The following CCDC102B variants were observed in gnomAD, a reference collection of about 807,000 sequenced individuals.
The protein encoded by CCDC102B is coiled-coil domain-containing protein 102B.
CCDC102B carries 75 observed loss-of-function variants against 57.4 expected under a neutral mutation model. The observed-to-expected ratio is 1.31, with a 90% CI of 1.08 to 1.58. CCDC102B has a LOEUF of 1.58. Ranked by LOEUF, CCDC102B falls within the 40% of genes most tolerant of loss-of-function variation. The probability of loss-of-function intolerance (pLI) is 0.00; values close to 1 mark genes in which losing one functional copy is unlikely to be tolerated. For missense variants in CCDC102B, 636 were observed against 582.6 expected, an observed-to-expected ratio of 1.09 and a Z score of -0.94; for synonymous variants, 206 against 201.9, an observed-to-expected ratio of 1.02 and a Z score of -0.17.
At chr18:68,916,181 A>G (rs757250472) in intron 6 of CCDC102B, among the ~76,000 whole-genome samples, 2 of 152,170 alleles carry the variant, frequency 1.3e-5, no homozygotes, top group South Asian at 2.1e-4. Flanking sequence ...GCATCTATCT[A>G]TCTATGCTAT....
At chr18:69,048,463 G>A (rs148022867) in intron 7 of CCDC102B, among the ~76,000 whole-genome samples, 1 of 152,130 alleles carries the variant, frequency 6.6e-6, no homozygotes, top group Non-Finnish European at 1.5e-5. Context: ...CAACAAATAT[G>A]TGTGAGTTTG....
intron 7 of CCDC102B, among the ~76,000 whole-genome samples, chr18:69,037,616 G>A (rs1413409071): frequency 6.6e-6 from 1 of 151,690 alleles, no homozygotes; most frequent in Non-Finnish European, 1.5e-5. Context: ...TTTATGAGAA[G>A]GTTAACAAAA....
At chr18:68,799,043 A>G (rs898622456) in intron 1 of CCDC102B, among the ~76,000 whole-genome samples, 3 of 152,018 alleles carry the variant, frequency 2.0e-5, no homozygotes, top group African/African-American at 7.2e-5. Context: ...CTGTTTTCTA[A>G]AATAATGTGA....
At chr18:68,723,589 A>T (rs185911294) in intron 2 of CCDC102B, among the ~76,000 whole-genome samples, 111 of 152,338 alleles carry the variant, frequency 7.3e-4, no homozygotes, top group Middle Eastern at 3.4e-3. Context: ...CAAGTCCGAA[A>T]TCCAACAGGG....
intron 4 of CCDC102B, 118 bp from the exon 5 acceptor site, chr18:68,874,551 A>G (rs111390390): frequency 3.3e-6 from 2 of 611,414 alleles, no homozygotes; most frequent in South Asian, 2.2e-5. Flanking sequence ...CAAGCCTGCC[A>G]GAATCCACAT....
At chr18:69,009,053 A>G (rs1201949080) in intron 6 of CCDC102B, among the ~76,000 whole-genome samples, 3 of 152,188 alleles carry the variant, frequency 2.0e-5, no homozygotes, top group Non-Finnish European at 4.4e-5. Flanking sequence ...AGCTATGAGT[A>G]TATCTGTGAA....
chr18:68,857,089 T>A (rs1222245126), intron 4 of CCDC102B, among the ~76,000 whole-genome samples: 2 of 111,588 alleles, frequency 1.8e-5, no homozygotes, highest in Admixed American at 1.2e-4. Context: ...TAAATATATT[T>A]ATATATTTTT....
At chr18:68,935,350 C>A (rs1488272038) in intron 6 of CCDC102B, among the ~76,000 whole-genome samples, 1 of 151,772 alleles carries the variant, frequency 6.6e-6, no homozygotes, top group Non-Finnish European at 1.5e-5. Context: ...AAGAATGACT[C>A]CGGGTAACAA....
intron 2 of CCDC102B, among the ~76,000 whole-genome samples, chr18:68,765,364 A>G (rs1038970166): frequency 2.8e-5 from 4 of 144,388 alleles, no homozygotes; most frequent in South Asian, 2.2e-4. Flanking sequence ...AAAGAAAGAA[A>G]GAAAGAAAGA....
intron 5 of CCDC102B, among the ~76,000 whole-genome samples, chr18:68,894,215 TATTC>T (rs1443680015): frequency 1.3e-5 from 2 of 152,070 alleles, no homozygotes; most frequent in Non-Finnish European, 2.9e-5. Flanking sequence ...GCTCAATAAA[TATTC>T]ATTCAGTAAG....
intron 2 of CCDC102B, 87 bp from the exon 3 acceptor site, chr18:68,838,619 G>A (rs1033709470): frequency 6.2e-5 from 93 of 1,510,306 alleles, no homozygotes; most frequent in East Asian, 1.9e-4. Context: ...TTGTGGTATC[G>A]TAACATTTAT....
chr18:68,757,604 CA>C (rs1297265315), intron 2 of CCDC102B, among the ~76,000 whole-genome samples: 1 of 151,878 alleles, frequency 6.6e-6, no homozygotes, highest in Non-Finnish European at 1.5e-5. Context: ...TAATTGTTGC[CA>C]GATATTATTT....
intron 6 of CCDC102B, among the ~76,000 whole-genome samples, chr18:68,947,275 A>G (rs1397158917): frequency 6.6e-6 from 1 of 152,012 alleles, no homozygotes; most frequent in Non-Finnish European, 1.5e-5. Context: ...TTCTTGGTAT[A>G]CTTGATTAAG....
intron 1 of CCDC102B, among the ~76,000 whole-genome samples, chr18:68,807,662 C>T (rs1269435408): frequency 6.6e-6 from 1 of 152,100 alleles, no homozygotes; most frequent in Non-Finnish European, 1.5e-5. Flanking sequence ...GTATTCACTT[C>T]CTGTTATTTT....
At position 69,022,222 on chromosome 18, in the gene CCDC102B, T is replaced by TATATATATATATATAAAA. The variant is rs1395799223; in HGVS notation, c.1434+11119_1434+11120insTATATATATATATAAAAA. On this transcript the variant is annotated intron_variant, in intron 7 of 7. Coordinates refer to ENST00000360242, the MANE Select transcript of CCDC102B (RefSeq NM_024781.3). ...ATATATATATATATATATATATATA[T>TATATATATATATATAAAA]AACACACACACACGCGTGCGTGTGC... Among the ~76,000 whole-genome samples, 161 of 94,928 alleles carry TATATATATATATATAAAA rather than the reference T, an allele frequency of 1.7e-3. 3 individuals are homozygous for TATATATATATATATAAAA. The highest frequency in any genetic ancestry group is 0.013 in the Admixed American group (112 of 8,908). 62.3% of individuals were successfully genotyped at this position (94,928 alleles called of 152,430 possible).
chr18:68,756,740 A>G (rs2034063727), intron 2 of CCDC102B, among the ~76,000 whole-genome samples: 1 of 152,212 alleles, frequency 6.6e-6, no homozygotes, highest in Non-Finnish European at 1.5e-5. Context: ...AGGAAAACTC[A>G]GAAGCCAAGT....
At chr18:68,836,669 A>C in intron 1 of CCDC102B, 80 bp from the exon 2 acceptor site, 1 of 1,181,694 alleles carries the variant, frequency 8.5e-7, no homozygotes, top group Non-Finnish European at 1.1e-6. Flanking sequence ...TCAAAAAAAA[A>C]AAAAAAAAAA....
chr18:69,007,670 C>G (rs1416918673), intron 6 of CCDC102B, among the ~76,000 whole-genome samples: 1 of 152,178 alleles, frequency 6.6e-6, no homozygotes, highest in Non-Finnish European at 1.5e-5. Context: ...CCAAGTGATG[C>G]CGTTGCTGCT....
intron 1 of CCDC102B, among the ~76,000 whole-genome samples, chr18:68,824,145 G>A (rs1599519865): frequency 6.6e-6 from 1 of 152,118 alleles, no homozygotes; most frequent in East Asian, 1.9e-4. Flanking sequence ...ATGTCAAGAA[G>A]GGTATTTCCT....
Sources: gnomAD v4.1 joint callset for allele counts (sites outside exome capture counted in the v4.1 genomes callset) on GRCh38, gnomAD v4.1.1 for gene constraint, MANE v1.5 for transcripts, NCBI Gene and HGNC (gene_info 2026-07-23, HGNC 2026-07-21) for gene names.